The following LUZP2 variants were observed in gnomAD, a reference collection of about 807,000 sequenced individuals.
LUZP2 encodes leucine zipper protein 2.
LUZP2 carries 52 observed loss-of-function variants against 51.6 expected under a neutral mutation model. That is an observed-to-expected ratio of 1.01 (90% CI 0.81 to 1.27). The LOEUF is 1.27. Among genes scored for constraint, LUZP2 ranks in the 50% most tolerant of loss-of-function variants. LUZP2 has a pLI of 0.00. For synonymous variants in LUZP2, 154 were observed against 137.3 expected, an observed-to-expected ratio of 1.12 and a Z score of -0.85; for missense variants, 436 against 395.4, an observed-to-expected ratio of 1.10 and a Z score of -0.87.
chr11:24,536,427 A>G (rs1428600820), intron 1 of LUZP2, among the ~76,000 whole-genome samples: 1 of 151,820 alleles, frequency 6.6e-6, no homozygotes, highest in East Asian at 1.9e-4. Context: ...TCTTGCTTAG[A>G]TCTTCTGGAT....
Position 24,820,826 on chromosome 11 carries a change from A to G in LUZP2, c.396+57518A>G, listed in dbSNP as rs1289851745. On this transcript the variant is annotated intron_variant, in intron 5 of 11. Transcript: ENST00000336930. ...GTGGAAGGCATAGTGTAAGAAGAAG[A>G]CTTGGAAGTCACTTAGACAAGTCTC... Among the ~76,000 whole-genome samples the G allele has an allele frequency of 1.1e-4, 16 of 152,114 alleles. 1 individual carries two copies. Among genetic ancestry groups the G allele is most frequent in the Admixed American group, 1.0e-3 (16 of 15,272 alleles).
At chr11:24,585,573 A>G (rs1009454338) in intron 1 of LUZP2, among the ~76,000 whole-genome samples, 1 of 152,142 alleles carries the variant, frequency 6.6e-6, no homozygotes, top group Admixed American at 6.6e-5. Flanking sequence ...TAAATGATAT[A>G]TATTTTTCTA....
intron 9 of LUZP2, among the ~76,000 whole-genome samples, chr11:24,988,335 A>G (rs981117771): frequency 2.6e-5 from 4 of 152,056 alleles, no homozygotes; most frequent in Non-Finnish European, 5.9e-5. Flanking sequence ...GAACATGAAT[A>G]GCATTAGAAG....
chr11:24,991,729 C>T (rs958199109), intron 9 of LUZP2, among the ~76,000 whole-genome samples: 2 of 151,868 alleles, frequency 1.3e-5, no homozygotes, highest in Non-Finnish European at 2.9e-5. Flanking sequence ...ACACAAACAT[C>T]TATTATTTTT....
At chr11:25,044,755 C>G (rs577364819) in intron 9 of LUZP2, among the ~76,000 whole-genome samples, 1 of 151,690 alleles carries the variant, frequency 6.6e-6, no homozygotes, top group East Asian at 2.0e-4. Flanking sequence ...AAGACACATG[C>G]GCACGTATGT....
chr11:24,820,519 G>A (rs1850325547), intron 5 of LUZP2, among the ~76,000 whole-genome samples: 1 of 152,044 alleles, frequency 6.6e-6, no homozygotes, highest in South Asian at 2.1e-4. Context: ...TTTTAGAAAG[G>A]GTAATTTGAT....
chr11:24,506,864 A>G (rs7927899), intron 1 of LUZP2, among the ~76,000 whole-genome samples: 86,659 of 151,848 alleles, frequency 0.57, 26,256 homozygotes, highest in African/African-American at 0.79. Context: ...TGAAACTATT[A>G]GGCTGCCTAT....
chr11:24,994,845 T>C (rs1359587519), intron 9 of LUZP2, among the ~76,000 whole-genome samples: 1 of 152,086 alleles, frequency 6.6e-6, no homozygotes, highest in Non-Finnish European at 1.5e-5. Context: ...ATTGAATATA[T>C]TGCTTTTCAT....
In LUZP2 at chr11:24,843,802, C is replaced by A. The variant is rs188489731; in HGVS notation, c.397-62189C>A. ...TGTTCTCATGATAGTGAATGAGTCTCAAGAGACTTGATGGTTTTAAAAAAA... is the reference window on the plus strand; with the variant it reads ...TGTTCTCATGATAGTGAATGAGTCTAAAGAGACTTGATGGTTTTAAAAAAA... On this transcript the variant is annotated intron_variant, in intron 5 of 11. Transcript: ENST00000336930. Among the ~76,000 whole-genome samples, 55 of 152,130 alleles carry A rather than the reference C, an allele frequency of 3.6e-4. 2 individuals are homozygous for A. Among genetic ancestry groups the A allele is most frequent in the Admixed American group, 7.2e-4 (11 of 15,264 alleles).
chr11:24,927,656 T>A (rs1854318578), intron 7 of LUZP2, among the ~76,000 whole-genome samples: 1 of 152,150 alleles, frequency 6.6e-6, no homozygotes, highest in African/African-American at 2.4e-5. Flanking sequence ...AGAGTATAGT[T>A]TGAAGTCAGG....
At chr11:24,606,256 C>T (rs1414548141) in intron 1 of LUZP2, among the ~76,000 whole-genome samples, 2 of 151,848 alleles carry the variant, frequency 1.3e-5, no homozygotes, top group Non-Finnish European at 2.9e-5. Flanking sequence ...AAGCAATGCA[C>T]ATTCAGTAGA....
intron 9 of LUZP2, among the ~76,000 whole-genome samples, chr11:25,005,124 C>T (rs928836933): frequency 6.6e-6 from 1 of 152,120 alleles, no homozygotes; most frequent in South Asian, 2.1e-4. Flanking sequence ...TTCCCCACCC[C>T]CTACAGCTTG....
At position 24,853,972 on chromosome 11, in the gene LUZP2, G is replaced by A. The variant is rs79792156; in HGVS notation, c.397-52019G>A. On this transcript the variant is annotated intron_variant, in intron 5 of 11. Coordinates refer to ENST00000336930, the MANE Select transcript of LUZP2 (RefSeq NM_001009909.4). ...AGGCTGTAGAACAGCAAAGATTGCC[G>A]CCTGTTCCTCCCTCTGGAGGCTTTG... 1.4e-3 allele frequency among the ~76,000 whole-genome samples: 207 copies of A among 152,278 alleles called. 1 individual carries two copies. Among genetic ancestry groups the A allele is most frequent in the East Asian group, 5.0e-3 (26 of 5,162 alleles).
intron 4 of LUZP2, among the ~76,000 whole-genome samples, chr11:24,750,339 C>T (rs1418461601): frequency 6.6e-6 from 1 of 152,096 alleles, no homozygotes; most frequent in African/African-American, 2.4e-5. Flanking sequence ...CACAGGCATC[C>T]CTATGAATAC....
intron 4 of LUZP2, among the ~76,000 whole-genome samples, chr11:24,747,305 T>C (rs1175931541): frequency 2.0e-5 from 3 of 152,144 alleles, no homozygotes; most frequent in South Asian, 2.1e-4. Flanking sequence ...GCTGCAGTGA[T>C]TGTGATCTCT....
chr11:24,608,930 A>G (rs1854026373), intron 1 of LUZP2, among the ~76,000 whole-genome samples: 2 of 152,194 alleles, frequency 1.3e-5, no homozygotes, highest in African/African-American at 2.4e-5. Flanking sequence ...TTGGGTTTAG[A>G]TATCTAGTGG....
intron 5 of LUZP2, among the ~76,000 whole-genome samples, chr11:24,799,276 A>G (rs1361935031): frequency 1.3e-5 from 2 of 152,178 alleles, no homozygotes; most frequent in Non-Finnish European, 2.9e-5. Flanking sequence ...ACATAGGAGG[A>G]AGAAACCAGT....
chr11:24,706,119 T>G (rs912704565), intron 1 of LUZP2, among the ~76,000 whole-genome samples: 2 of 152,132 alleles, frequency 1.3e-5, no homozygotes, highest in Non-Finnish European at 2.9e-5. Flanking sequence ...GAAGGAATAG[T>G]CGTATTCTAA....
At chr11:24,513,711 C>T (rs1850379929) in intron 1 of LUZP2, among the ~76,000 whole-genome samples, 1 of 152,154 alleles carries the variant, frequency 6.6e-6, no homozygotes, top group African/African-American at 2.4e-5. Flanking sequence ...CTGGGGTGTG[C>T]CATGGAAAAT....
Sources: allele counts gnomAD v4.1 joint callset (sites outside exome capture counted in the v4.1 genomes callset), GRCh38; gene constraint gnomAD v4.1.1; transcripts MANE v1.5; gene names NCBI Gene and HGNC (gene_info 2026-07-23, HGNC 2026-07-21).